The following SLCO1B3 variants were observed in gnomAD, a reference collection of about 807,000 sequenced individuals.
SLCO1B3 encodes liver-specific organic anion transporter 2.
A neutral mutation model predicts 71.8 loss-of-function variants in SLCO1B3; 72 were observed. That is an observed-to-expected ratio of 1.00 (90% confidence interval 0.83 to 1.22). The LOEUF (loss-of-function observed/expected upper bound fraction) is 1.22, where lower values mean the gene tolerates loss of function less well. SLCO1B3 is among the 50% of genes most tolerant of loss of function. The probability of loss-of-function intolerance (pLI) is 0.00; values close to 1 mark genes in which losing one functional copy is unlikely to be tolerated. For synonymous variants in SLCO1B3, 298 were observed against 278.4 expected (o/e 1.07, Z -0.70); for missense variants, 911 against 819.7 (o/e 1.11, Z -1.36).
At chr12:20,836,779 C>T (rs1864690969) in intron 3 of SLCO1B3, among the ~76,000 whole-genome samples, 2 of 152,048 alleles carry the variant, frequency 1.3e-5, no homozygotes, top group Non-Finnish European at 2.9e-5. Context: ...GTAGCTGGGA[C>T]TACAGGCACC....
At chr12:20,857,609 C>T (rs529665684) in intron 4 of SLCO1B3, among the ~76,000 whole-genome samples, 1 of 151,864 alleles carries the variant, frequency 6.6e-6, no homozygotes, top group Non-Finnish European at 1.5e-5. Context: ...CTGCAACATG[C>T]CATTTTACCT....
chr12:20,831,107 C>T (rs1173941424), intron 3 of SLCO1B3, among the ~76,000 whole-genome samples: 1 of 152,024 alleles, frequency 6.6e-6, no homozygotes, highest in East Asian at 1.9e-4. Context: ...ACCTGTAATC[C>T]CAGCACTTTG....
chr12:20,871,512 T>C (rs768488588), intron 8 of SLCO1B3, among the ~76,000 whole-genome samples: 73 of 152,172 alleles, frequency 4.8e-4, no homozygotes, highest in Non-Finnish European at 5.7e-4. Context: ...GTATTTATTC[T>C]AGTCTTTGTT....
chr12:20,841,069 A>C (rs1864789353), intron 3 of SLCO1B3, among the ~76,000 whole-genome samples: 1 of 152,120 alleles, frequency 6.6e-6, no homozygotes, highest in Non-Finnish European at 1.5e-5. Flanking sequence ...TAGCAATTCA[A>C]TTATAGTACA....
chr12:20,916,010 C>T lies in SLCO1B3; in HGVS notation c.1872C>T (p.Val624=), dbSNP rs763191268. Residue 624 remains valine (V), a synonymous_variant, in exon 16 of 16, where the codon GTC becomes GTT. Transcript: ENST00000381545. The part of the protein sequence containing the change: ...RIYNSVFFGR[V]YLGLSIALRF... ...CTATTTTCTCTTTTCACAGAAGGGT[C>T]TACTTGGGCTTATCTATAGCTTTAA... 1.3e-6 allele frequency: 2 copies of T among 1,599,348 alleles called. No individual in the cohort carries two copies. Among genetic ancestry groups the T allele is most frequent in the East Asian group, 4.5e-5 (2 of 44,672 alleles).
Position 20,858,426 on chromosome 12 carries a change from GT to G in SLCO1B3, c.227-5del, listed in dbSNP as rs749680566. On this transcript the variant is annotated splice_polypyrimidine_tract_variant and intron_variant, in intron 4 of 15. Coordinates refer to ENST00000381545, the MANE Select transcript of SLCO1B3 (RefSeq NM_019844.4). ...CACTAAGTCATATCAACATAATTTT[GT>G]TTTTTTTCTAGGAAATTTGCTTGTG... 6.5e-6 allele frequency: 10 copies of G among 1,546,864 alleles called. No individual in the cohort carries two copies. The highest frequency in any genetic ancestry group is 1.7e-5 in the Admixed American group (1 of 59,280).
intron 3 of SLCO1B3, among the ~76,000 whole-genome samples, chr12:20,820,085 C>T (rs1864264969): frequency 6.6e-6 from 1 of 152,036 alleles, no homozygotes; most frequent in Non-Finnish European, 1.5e-5. Flanking sequence ...GTTTAGAAGC[C>T]TGGCTGTCAA....
At chr12:20,815,876 G>A in intron 3 of SLCO1B3, 54 bp downstream of exon 3, 1 of 1,103,010 alleles carries the variant, frequency 9.1e-7, no homozygotes, top group South Asian at 1.5e-5. Flanking sequence ...AAATTTTTAT[G>A]TATAGAAAGG....
At chr12:20,820,550 G>A (rs1864276641) in intron 3 of SLCO1B3, among the ~76,000 whole-genome samples, 1 of 152,178 alleles carries the variant, frequency 6.6e-6, no homozygotes, top group South Asian at 2.1e-4. Flanking sequence ...TGGAGATGTG[G>A]CTGGGGTTTG....
chr12:20,885,245 C>A (rs752501659), intron 13 of SLCO1B3, among the ~76,000 whole-genome samples: 12 of 152,086 alleles, frequency 7.9e-5, no homozygotes, highest in Non-Finnish European at 1.8e-4. Flanking sequence ...ATACAAACTT[C>A]ATTTTATTAA....
chr12:20,897,217 T>G (rs552886926), intron 13 of SLCO1B3, among the ~76,000 whole-genome samples: 1 of 152,360 alleles, frequency 6.6e-6, no homozygotes, highest in Admixed American at 6.5e-5. Flanking sequence ...AAACACACTT[T>G]CTGTTTATTG....
chr12:20,898,284 C>T (rs1019414681), intron 13 of SLCO1B3, 152 bp from the exon 14 acceptor site: 24 of 544,760 alleles, frequency 4.4e-5, no homozygotes, highest in Non-Finnish European at 7.7e-5. Context: ...CCTTTTAAAA[C>T]AGTTGAAAAT....
At chr12:20,860,101 G>A (rs1203000760) in intron 5 of SLCO1B3, among the ~76,000 whole-genome samples, 1 of 151,720 alleles carries the variant, frequency 6.6e-6, no homozygotes, top group African/African-American at 2.4e-5. Context: ...GACTACAGGC[G>A]CCTGCCACCA....
At chr12:20,908,146 T>G (rs1004566099) in intron 15 of SLCO1B3, among the ~76,000 whole-genome samples, 1 of 152,110 alleles carries the variant, frequency 6.6e-6, no homozygotes, top group African/African-American at 2.4e-5. Context: ...ATAAAAAAAT[T>G]TTAAAAAGGG....
At chr12:20,843,118 T>C (rs1240048292) in intron 3 of SLCO1B3, among the ~76,000 whole-genome samples, 1 of 152,206 alleles carries the variant, frequency 6.6e-6, no homozygotes, top group African/African-American at 2.4e-5. Context: ...CTAAAATACA[T>C]GTTCTCATGT....
intron 11 of SLCO1B3, among the ~76,000 whole-genome samples, 187 bp downstream of exon 11, chr12:20,879,818 A>C (rs1318961775): frequency 6.6e-6 from 1 of 152,118 alleles, no homozygotes; most frequent in Non-Finnish European, 1.5e-5. Context: ...TCCTTCCTTA[A>C]GGAAAAGCAA....
chr12:20,882,795 T>C (rs1865717803), intron 12 of SLCO1B3, among the ~76,000 whole-genome samples: 1 of 152,146 alleles, frequency 6.6e-6, no homozygotes, highest in South Asian at 2.1e-4. Flanking sequence ...CAGAGCAGAA[T>C]TTATTAAAGC....
chr12:20,881,844 T>C (rs1424751272), intron 12 of SLCO1B3, among the ~76,000 whole-genome samples: 4 of 152,164 alleles, frequency 2.6e-5, no homozygotes, highest in African/African-American at 9.7e-5. Flanking sequence ...AGCAATATAG[T>C]CAGCTGCGAT....
chr12:20,888,760 T>TC (rs1865842376), intron 13 of SLCO1B3, among the ~76,000 whole-genome samples: 1 of 152,112 alleles, frequency 6.6e-6, no homozygotes, highest in South Asian at 2.1e-4. Flanking sequence ...CATCCTCATC[T>TC]TGGGTCCATT....
Sources: allele counts gnomAD v4.1 joint callset (sites outside exome capture counted in the v4.1 genomes callset), GRCh38; gene constraint gnomAD v4.1.1; transcripts MANE v1.5; gene names NCBI Gene and HGNC (gene_info 2026-07-23, HGNC 2026-07-21).